ACTR3B: variants seen among roughly 807,000 people sequenced by gnomAD.
ACTR3B encodes the protein actin-related protein 3B.
In ACTR3B, 8 loss-of-function variants were observed where a neutral mutation model predicts 59.0. The observed-to-expected ratio is 0.14, with a 90% CI of 0.08 to 0.24. ACTR3B has a LOEUF of 0.24. Among genes scored for constraint, ACTR3B ranks in the 10% least tolerant of loss-of-function variants. The probability of loss-of-function intolerance (pLI) is 1.00; values close to 1 mark genes in which losing one functional copy is unlikely to be tolerated. For synonymous variants in ACTR3B, 148 were observed against 197.9 expected, an observed-to-expected ratio of 0.75 and a Z score of 2.12; for missense variants, 245 against 552.3, an observed-to-expected ratio of 0.44 and a Z score of 5.58.
At chr7:152,848,138 T>C (rs1055235382) in intron 9 of ACTR3B, among the ~76,000 whole-genome samples, 2 of 152,216 alleles carry the variant, frequency 1.3e-5, no homozygotes, top group Non-Finnish European at 2.9e-5. Flanking sequence ...CCCACGGTGC[T>C]GTGTTGGCCA....
chr7:152,852,240 G>A lies in ACTR3B; in HGVS notation c.1066G>A (p.Gly356Arg). The A allele has an allele frequency of 2.5e-6, 4 of 1,613,284 alleles. No homozygotes were observed. The highest frequency in any genetic ancestry group is 3.4e-6 in the Non-Finnish European group (4 of 1,179,860). ...RLRLSEELSG[G>R]RIKPKPVEVQ... Reference sequence around the variant, plus strand: ...GAGGCTCAGCGAGGAGCTCAGCGGCGGGAGGATCAAGGTAGGAGCCAGAGG... The same window carrying A: ...GAGGCTCAGCGAGGAGCTCAGCGGCAGGAGGATCAAGGTAGGAGCCAGAGG... Residue 356 changes from glycine to arginine, a missense_variant, in exon 10 of 12, where the codon GGG becomes AGG. Coordinates refer to ENST00000256001, the MANE Select transcript of ACTR3B (RefSeq NM_020445.6).
intron 2 of ACTR3B, among the ~76,000 whole-genome samples, chr7:152,789,997 CTTTT>C (rs756068314): frequency 9.7e-6 from 1 of 102,826 alleles, no homozygotes; most frequent in East Asian, 2.7e-4. Context: ...TGTACTCTTT[CTTTT>C]TTTTTTTTTT....
chr7:152,778,602 T>C (rs1168614108), intron 1 of ACTR3B, among the ~76,000 whole-genome samples: 1 of 151,836 alleles, frequency 6.6e-6, no homozygotes, highest in Non-Finnish European at 1.5e-5. Context: ...TTTTTTTTCA[T>C]AGAGTACCTA....
chr7:152,762,530 C>T (rs397839682), intron 1 of ACTR3B, among the ~76,000 whole-genome samples: 21 of 152,164 alleles, frequency 1.4e-4, no homozygotes, highest in Non-Finnish European at 2.4e-4. Context: ...AGAGATCATA[C>T]CCTTTTATAT....
chr7:152,851,123 C>T (rs1418370675), intron 9 of ACTR3B, among the ~76,000 whole-genome samples: 2 of 152,170 alleles, frequency 1.3e-5, no homozygotes, highest in Non-Finnish European at 2.9e-5. Context: ...TTTTCTTGTA[C>T]ATACATACCT....
At chr7:152,764,701 G>A (rs1273030374) in intron 1 of ACTR3B, among the ~76,000 whole-genome samples, 3 of 151,702 alleles carry the variant, frequency 2.0e-5, no homozygotes, top group Non-Finnish European at 4.4e-5. Flanking sequence ...TTTTGCCTGA[G>A]TATCTGTGGC....
intron 1 of ACTR3B, among the ~76,000 whole-genome samples, chr7:152,775,319 A>G (rs1026349137): frequency 6.6e-6 from 1 of 152,010 alleles, no homozygotes; most frequent in Non-Finnish European, 1.5e-5. Context: ...TTGGAAGAGC[A>G]GTTTCAATTA....
chr7:152,760,314 G>C (rs962140044), intron 1 of ACTR3B, among the ~76,000 whole-genome samples: 1 of 152,172 alleles, frequency 6.6e-6, no homozygotes, highest in Non-Finnish European at 1.5e-5. Context: ...ATTCGCCAGC[G>C]TGAGGCACAG....
At chr7:152,785,216 G>A (rs563393544) in intron 2 of ACTR3B, among the ~76,000 whole-genome samples, 5 of 150,844 alleles carry the variant, frequency 3.3e-5, no homozygotes, top group Admixed American at 1.3e-4. Flanking sequence ...GACGGGAAGC[G>A]AAGACAGTTA....
intron 9 of ACTR3B, among the ~76,000 whole-genome samples, chr7:152,851,519 G>T (rs1798801644): frequency 6.6e-6 from 1 of 152,238 alleles, no homozygotes; most frequent in African/African-American, 2.4e-5. Context: ...GGAGATGCTG[G>T]ACAGAGGGCT....
At chr7:152,847,760 C>T (rs919693470) in intron 9 of ACTR3B, among the ~76,000 whole-genome samples, 1 of 152,086 alleles carries the variant, frequency 6.6e-6, no homozygotes, top group East Asian at 1.9e-4. Context: ...ACACAGGGCC[C>T]CTGGGACATA....
At chr7:152,808,923 G>T (rs184306240) in intron 4 of ACTR3B, among the ~76,000 whole-genome samples, 1 of 152,102 alleles carries the variant, frequency 6.6e-6, no homozygotes, top group Non-Finnish European at 1.5e-5. Context: ...TTTTCAGATC[G>T]ACAGGAGGTA....
Position 152,781,193 on chromosome 7 carries a change from G to GTTT in ACTR3B, c.45-1973_45-1971dup, listed in dbSNP as rs369933153. On this transcript the variant is annotated intron_variant, in intron 1 of 11. Transcript: ENST00000256001. ...ACGCTTTACCATATTCGTTTCAGTG[G>GTTT]TTTTTTTTTTTTTTTTTTTTTTTCT... Among the ~76,000 whole-genome samples the GTTT allele has an allele frequency of 6.1e-3, 574 of 94,376 alleles. 17 individuals carry two copies. The highest frequency in any genetic ancestry group is 0.043 in the South Asian group (108 of 2,520). 61.9% of individuals were successfully genotyped at this position (94,376 alleles called of 152,430 possible).
At position 152,770,923 on chromosome 7, in the gene ACTR3B, A is replaced by G. The variant is rs568392473; in HGVS notation, c.44+10997A>G. On this transcript the variant is annotated intron_variant, in intron 1 of 11. Coordinates refer to ENST00000256001, the MANE Select transcript of ACTR3B (RefSeq NM_020445.6). ...AACAAGCAAAAATAGATGAAAAAGT[A>G]TACTTTGGAAAGAGTACTTCAGTAA... 4.0e-4 allele frequency among the ~76,000 whole-genome samples: 59 copies of G among 148,734 alleles called. 1 individual carries two copies. The South Asian group carries it at 0.012, about 31-fold the overall frequency.
chr7:152,815,660 C>T (rs913513621), intron 5 of ACTR3B, among the ~76,000 whole-genome samples: 3 of 152,164 alleles, frequency 2.0e-5, no homozygotes, highest in Admixed American at 6.5e-5. Context: ...AGCAGCCCCA[C>T]CTCAAGCCTC....
At chr7:152,842,579 C>T (rs28441668) in intron 9 of ACTR3B, among the ~76,000 whole-genome samples, 6,883 of 150,966 alleles carry the variant, frequency 0.046, 321 homozygotes, top group African/African-American at 0.13. Context: ...TCTCTGTTTC[C>T]GGCTTCCTTC....
At chr7:152,766,302 G>A (rs1339825907) in intron 1 of ACTR3B, among the ~76,000 whole-genome samples, 1 of 152,170 alleles carries the variant, frequency 6.6e-6, no homozygotes, top group Admixed American at 6.5e-5. Flanking sequence ...GCAATGCTCC[G>A]TACCAGGGAA....
intron 9 of ACTR3B, among the ~76,000 whole-genome samples, chr7:152,840,189 C>T (rs1312768198): frequency 7.8e-6 from 1 of 127,898 alleles, no homozygotes; most frequent in African/African-American, 2.9e-5. Flanking sequence ...AAATGCTCCT[C>T]GTTCATTCCA....
intron 1 of ACTR3B, among the ~76,000 whole-genome samples, chr7:152,767,987 G>A (rs1178380805): frequency 1.3e-5 from 2 of 152,198 alleles, no homozygotes. Context: ...TTGCGAGGCC[G>A]AAGCAGGCAG....
Sources: gnomAD v4.1 joint callset for allele counts (sites outside exome capture counted in the v4.1 genomes callset) on GRCh38, gnomAD v4.1.1 for gene constraint, MANE v1.5 for transcripts, NCBI Gene and HGNC (gene_info 2026-07-23, HGNC 2026-07-21) for gene names.